The following HLF variants were observed in gnomAD, a reference collection of about 807,000 sequenced individuals.
HLF encodes hepatic leukemia factor.
A neutral mutation model predicts 22.6 loss-of-function variants in HLF; 3 were observed. The observed-to-expected ratio is 0.13, with a 90% CI of 0.06 to 0.34. The LOEUF (loss-of-function observed/expected upper bound fraction) is 0.34. Among genes scored for constraint, HLF ranks in the 10% least tolerant of loss-of-function variants. The pLI is 1.00. For missense variants in HLF, 299 were observed against 389.2 expected (o/e 0.77, Z 1.95); for synonymous variants, 151 against 151.8 (o/e 0.99, Z 0.04).
At chr17:55,266,040 C>T (rs573659775) in intron 1 of HLF, among the ~76,000 whole-genome samples, 3 of 152,072 alleles carry the variant, frequency 2.0e-5, no homozygotes, top group Non-Finnish European at 4.4e-5. Flanking sequence ...GGTTTCACTG[C>T]GTAGCCTGGG....
At position 55,269,631 on chromosome 17, in the gene HLF, A is replaced by G. The variant is rs997628740; in HGVS notation, c.451+1545A>G. On this transcript the variant is annotated intron_variant, in intron 2 of 3. Transcript: ENST00000226067. The stretch of plus-strand genomic sequence containing the variant: ...TTTTTTGTAGAAGGATACAATTTCT[A>G]TTTGATTGAGTTATTGTGAAAATTA... 3.3e-5 allele frequency among the ~76,000 whole-genome samples: 5 copies of G among 152,142 alleles called. No homozygotes were observed. In the East Asian group the frequency reaches 7.7e-4, roughly 23 times the overall value.
At chr17:55,304,876 A>G (rs1904471252) in intron 2 of HLF, among the ~76,000 whole-genome samples, 1 of 152,226 alleles carries the variant, frequency 6.6e-6, no homozygotes. Flanking sequence ...CCCAGGCCAC[A>G]CACAACTACG....
intron 3 of HLF, among the ~76,000 whole-genome samples, chr17:55,319,626 T>C (rs893183973): frequency 6.6e-6 from 1 of 152,160 alleles, no homozygotes; most frequent in African/African-American, 2.4e-5. Flanking sequence ...CTCAGGCTAA[T>C]TAAGGCCTAG....
rs929539462 is a variant in HLF at position 55,289,330 on chromosome 17, C to T, written c.451+21244C>T. 2.0e-5 allele frequency among the ~76,000 whole-genome samples: 3 copies of T among 152,160 alleles called. No homozygotes were observed. In the South Asian group the frequency reaches 6.2e-4, roughly 32 times the overall value. On this transcript the variant is annotated intron_variant, in intron 2 of 3. Transcript: ENST00000226067. Reference sequence around the variant, plus strand: ...GACTCAAGAGTTGGAGCAGATTGATCCCTGGATTTGCAGTGCCCTCAATAT... The same window carrying T: ...GACTCAAGAGTTGGAGCAGATTGATTCCTGGATTTGCAGTGCCCTCAATAT...
intron 2 of HLF, among the ~76,000 whole-genome samples, chr17:55,303,518 C>T (rs1413709702): frequency 6.6e-6 from 1 of 152,196 alleles, no homozygotes; most frequent in African/African-American, 2.4e-5. Flanking sequence ...TTGTCCAGTG[C>T]ACTAGAAGCC....
chr17:55,276,771 A>AGG lies in HLF; in HGVS notation c.451+8687_451+8688dup, dbSNP rs755609338. Among the ~76,000 whole-genome samples, 29 of 152,230 alleles carry AGG rather than the reference A, an allele frequency of 1.9e-4. 1 individual carries two copies. The highest frequency in any genetic ancestry group is 7.3e-5 in the Non-Finnish European group (5 of 68,038). On this transcript the variant is annotated intron_variant, in intron 2 of 3. Transcript: ENST00000226067. The stretch of plus-strand genomic sequence containing the variant: ...GCTTGAACTTTATCCAGTAGGCAAT[A>AGG]GGGAGCCATTGAAGGTTTTTCAGCA...
At chr17:55,318,790 A>G (rs1440242263) in intron 3 of HLF, among the ~76,000 whole-genome samples, 1 of 152,080 alleles carries the variant, frequency 6.6e-6, no homozygotes, top group Non-Finnish European at 1.5e-5. Flanking sequence ...CCAGGCTTCT[A>G]TCAAAACACA....
chr17:55,275,244 C>T (rs1164710587), intron 2 of HLF, among the ~76,000 whole-genome samples: 1 of 152,072 alleles, frequency 6.6e-6, no homozygotes, highest in African/African-American at 2.4e-5. Flanking sequence ...TACAGGCATG[C>T]ACCACCACAC....
rs1278098733 is a variant in HLF, at chr17:55,322,099, A to G, written c.*1220A>G. ...TCATTTTTGAATGCCTCATAAATTAATGATTCTGAAGCTTATGTTTCTTAT... is the reference window on the plus strand; with the variant it reads ...TCATTTTTGAATGCCTCATAAATTAGTGATTCTGAAGCTTATGTTTCTTAT... On this transcript the variant is annotated 3_prime_UTR_variant, in exon 4 of 4. Transcript: ENST00000226067. The G allele has an allele frequency of 4.8e-6, 1 of 207,780 alleles. No homozygotes were observed. The highest frequency in any genetic ancestry group is 2.3e-5 in the African/African-American group (1 of 43,908). 12.9% of individuals were successfully genotyped at this position (207,780 alleles called of 1,614,324 possible).
In HLF at chr17:55,315,151, C is replaced by G. The variant is rs967327734; in HGVS notation, c.452-76C>G. On this transcript the variant is annotated intron_variant, in intron 2 of 3. Transcript: ENST00000226067. ...TGAGCTGAAGACTCTTACCACTCAT[C>G]TCAGAGCACCATTAAGTAGCTGCCT... is the stretch of plus-strand genomic sequence containing the variant. The G allele has an allele frequency of 7.0e-5, 76 of 1,083,106 alleles. 1 individual carries two copies. In the Admixed American group the frequency reaches 1.1e-3, roughly 16 times the overall value. 67.1% of individuals were successfully genotyped at this position (1,083,106 alleles called of 1,614,324 possible).
chr17:55,309,082 C>A (rs959730674), intron 2 of HLF, among the ~76,000 whole-genome samples: 1 of 152,190 alleles, frequency 6.6e-6, no homozygotes, highest in Non-Finnish European at 1.5e-5. Flanking sequence ...GAGACCAGCC[C>A]AGATGCAAGA....
chr17:55,289,469 C>T (rs2081038706), intron 2 of HLF, among the ~76,000 whole-genome samples: 1 of 152,132 alleles, frequency 6.6e-6, no homozygotes, highest in East Asian at 1.9e-4. Context: ...ATTTGCTTCT[C>T]CTATTCAGTT....
At chr17:55,288,073 A>G (rs1398381776) in intron 2 of HLF, among the ~76,000 whole-genome samples, 1 of 151,686 alleles carries the variant, frequency 6.6e-6, no homozygotes, top group Non-Finnish European at 1.5e-5. Context: ...GTGCAGATAT[A>G]CCCCTGCTGA....
intron 2 of HLF, among the ~76,000 whole-genome samples, chr17:55,274,993 T>C (rs1430953295): frequency 6.6e-6 from 1 of 152,242 alleles, no homozygotes; most frequent in Non-Finnish European, 1.5e-5. Flanking sequence ...GCCCTTCTCT[T>C]AGCCTTTGAA....
At chr17:55,288,265 A>G (rs2081024232) in intron 2 of HLF, among the ~76,000 whole-genome samples, 1 of 152,002 alleles carries the variant, frequency 6.6e-6, no homozygotes, top group Non-Finnish European at 1.5e-5. Context: ...CTCCTGCCTC[A>G]GCCTCCCGAG....
At chr17:55,287,314 G>T (rs1464440209) in intron 2 of HLF, among the ~76,000 whole-genome samples, 4 of 152,190 alleles carry the variant, frequency 2.6e-5, no homozygotes, top group Non-Finnish European at 4.4e-5. Flanking sequence ...TTCTTTGTTT[G>T]ATCGATGAAC....
At chr17:55,311,218 T>G (rs1904813108) in intron 2 of HLF, among the ~76,000 whole-genome samples, 1 of 152,160 alleles carries the variant, frequency 6.6e-6, no homozygotes, top group African/African-American at 2.4e-5. Flanking sequence ...ATGTTCAGTG[T>G]CACCAGTAAC....
At chr17:55,288,786 A>T in intron 2 of HLF, 1 of 319,620 alleles carries the variant, frequency 3.1e-6, no homozygotes, top group Non-Finnish European at 4.5e-6. Flanking sequence ...TAAAAAAAAT[A>T]TTCAAGAATG....
At chr17:55,314,469 A>G (rs945524393) in intron 2 of HLF, among the ~76,000 whole-genome samples, 4 of 152,160 alleles carry the variant, frequency 2.6e-5, no homozygotes, top group Non-Finnish European at 5.9e-5. Flanking sequence ...CTTTCCAAAC[A>G]TCAGCTCTTT....
Sources: allele counts gnomAD v4.1 joint callset (sites outside exome capture counted in the v4.1 genomes callset), GRCh38; gene constraint gnomAD v4.1.1; transcripts MANE v1.5; gene names NCBI Gene and HGNC (gene_info 2026-07-23, HGNC 2026-07-21).